The following ACSS3 variants were observed in gnomAD, a reference collection of about 807,000 sequenced individuals.
ACSS3 encodes the protein acyl-CoA synthetase short-chain family member 3, mitochondrial.
Under a neutral mutation model 84.2 loss-of-function variants are expected in ACSS3, and 64 were observed. The ratio of observed to expected loss-of-function variants is 0.76; its 90% CI spans 0.62 to 0.94. ACSS3 has a LOEUF of 0.94. Among genes scored for constraint, ACSS3 ranks in the 40% least tolerant of loss-of-function variants. The pLI is 0.00. For synonymous variants in ACSS3, 317 were observed against 310.1 expected, an observed-to-expected ratio of 1.02 and a Z score of -0.23; for missense variants, 815 against 867.6, an observed-to-expected ratio of 0.94 and a Z score of 0.76.
chr12:81,247,329 CT>C (rs567297433), intron 13 of ACSS3, among the ~76,000 whole-genome samples: 4 of 152,054 alleles, frequency 2.6e-5, no homozygotes, highest in Non-Finnish European at 5.9e-5. Context: ...AAACCTTAGT[CT>C]TTTTTTGTTT....
rs545727546 is a variant in ACSS3 at position 81,137,191 on chromosome 12, G to GA, written c.646-1934dup. ...TTAATGCCTATGAAGAAAATCTAGG[G>GA]AAAAAATATCAGTCACTGACCTGCA... On this transcript the variant is annotated intron_variant, in intron 3 of 15. Coordinates refer to ENST00000548058, the MANE Select transcript of ACSS3 (RefSeq NM_024560.4). Among the ~76,000 whole-genome samples, 576 of 150,586 alleles carry GA rather than the reference G, an allele frequency of 3.8e-3. 7 individuals carry two copies. Among genetic ancestry groups the GA allele is most frequent in the African/African-American group, 0.014 (561 of 41,094 alleles).
chr12:81,152,341 T>A (rs902674346), intron 7 of ACSS3, among the ~76,000 whole-genome samples: 1 of 92,936 alleles, frequency 1.1e-5, no homozygotes. Flanking sequence ...GCTTTATATC[T>A]ATCCCTAACA....
At chr12:81,168,760 CA>C (rs1887519499) in intron 7 of ACSS3, among the ~76,000 whole-genome samples, 1 of 152,164 alleles carries the variant, frequency 6.6e-6, no homozygotes, top group Non-Finnish European at 1.5e-5. Flanking sequence ...TGGTCATAAT[CA>C]GATTTCAGTT....
Position 81,248,175 on chromosome 12 carries a change from A to G in ACSS3, c.1720-5132A>G, listed in dbSNP as rs569880768. On this transcript the variant is annotated intron_variant, in intron 13 of 15. Coordinates refer to ENST00000548058, the MANE Select transcript of ACSS3 (RefSeq NM_024560.4). ...TTTTCGAAAAACTAAAAGTAGAACT[A>G]CCATAAGGTCTTGCAATCCCACTAC... Among the ~76,000 whole-genome samples, 21 of 152,162 alleles carry G rather than the reference A, an allele frequency of 1.4e-4. No homozygotes were observed. The South Asian group carries it at 4.3e-3, about 32-fold the overall frequency.
At chr12:81,101,957 T>C (rs1013204446) in intron 1 of ACSS3, among the ~76,000 whole-genome samples, 3 of 152,016 alleles carry the variant, frequency 2.0e-5, no homozygotes, top group Admixed American at 2.0e-4. Flanking sequence ...ACTTTAAATA[T>C]TGCAAATATG....
rs961618784 is a variant in ACSS3 at position 81,257,880 on chromosome 12, G to A, written c.*2958G>A. On this transcript the variant is annotated 3_prime_UTR_variant, in exon 16 of 16. Transcript: ENST00000548058. ...ACCTGGATCTTTTGCATCACTATAT[G>A]TTAGTGTCTATTATAGATGATTAAT... 38 of 152,014 alleles carry A rather than the reference G, an allele frequency of 2.5e-4. No individual in the cohort carries two copies. Among genetic ancestry groups the A allele is most frequent in the Non-Finnish European group, 7.4e-5 (5 of 67,976 alleles). The allele number at this position is 152,014 out of a possible 1,614,324, so 9.4% of individuals were successfully genotyped here.
At chr12:81,160,977 A>G (rs937937938) in intron 7 of ACSS3, among the ~76,000 whole-genome samples, 1 of 152,236 alleles carries the variant, frequency 6.6e-6, no homozygotes, top group East Asian at 1.9e-4. Flanking sequence ...ATTTAGAATA[A>G]TTCCCACGAT....
intron 2 of ACSS3, chr12:81,124,481 T>C (rs1265205875): frequency 6.6e-6 from 1 of 152,234 alleles, no homozygotes; most frequent in African/African-American, 2.4e-5. Context: ...CAATTTCTTA[T>C]TGTCTTCATT....
At chr12:81,116,844 T>G (rs571342143) in intron 2 of ACSS3, among the ~76,000 whole-genome samples, 47 of 152,286 alleles carry the variant, frequency 3.1e-4, no homozygotes, top group Non-Finnish European at 4.0e-4. Flanking sequence ...AAAGTATCAC[T>G]TGCCATCACA....
chr12:81,139,226 C>T lies in ACSS3; in HGVS notation c.741C>T (p.His247=), dbSNP rs776944932. The T allele has an allele frequency of 6.2e-7, 1 of 1,613,968 alleles. No individual in the cohort carries two copies. Among genetic ancestry groups the T allele is most frequent in the East Asian group, 2.2e-5 (1 of 44,832 alleles). ...LVEEALKIGQ[H]KPDKILIYNR... ...AAGAAGCGCTAAAAATAGGACAACA[C>T]AAACCAGACAAAATTCTCATTTATA... is the stretch of plus-strand genomic sequence containing the variant. Residue 247 remains histidine, a synonymous_variant, in exon 4 of 16, where the codon CAC becomes CAT. Transcript: ENST00000548058.
chr12:81,199,605 T>C, intron 9 of ACSS3, 161 bp downstream of exon 9: 1 of 1,490,368 alleles, frequency 6.7e-7, no homozygotes, highest in South Asian at 1.2e-5. Context: ...TATTGTTGTG[T>C]TATTAATAAT....
At chr12:81,177,267 A>G (rs1299915954) in intron 8 of ACSS3, among the ~76,000 whole-genome samples, 1 of 152,184 alleles carries the variant, frequency 6.6e-6, no homozygotes, top group Non-Finnish European at 1.5e-5. Context: ...AAGGATGTGC[A>G]CTGTCACCAC....
intron 8 of ACSS3, 46 bp downstream of exon 8, chr12:81,174,985 A>G (rs2030367207): frequency 8.2e-6 from 13 of 1,588,988 alleles, no homozygotes; most frequent in Non-Finnish European, 1.1e-5. Flanking sequence ...AAGTGCAATC[A>G]AAATGAATAA....
At chr12:81,210,537 T>C (rs1275695177) in intron 9 of ACSS3, among the ~76,000 whole-genome samples, 1 of 152,236 alleles carries the variant, frequency 6.6e-6, no homozygotes, top group Non-Finnish European at 1.5e-5. Flanking sequence ...AAGAAGGCTA[T>C]GAACCTGGCA....
chr12:81,093,927 A>G (rs955689974), intron 1 of ACSS3, among the ~76,000 whole-genome samples: 5 of 152,118 alleles, frequency 3.3e-5, no homozygotes, highest in Non-Finnish European at 7.4e-5. Context: ...TGTACTATCC[A>G]TCCATATTAT....
At position 81,097,289 on chromosome 12, in the gene ACSS3, C is replaced by G. The variant is rs369794268; in HGVS notation, c.312-12271C>G. Among the ~76,000 whole-genome samples the G allele has an allele frequency of 1.1e-3, 174 of 152,274 alleles. 1 individual carries two copies. Among genetic ancestry groups the G allele is most frequent in the African/African-American group, 4.0e-3 (166 of 41,566 alleles). ...CCAGACCAGTTCCATTGCAATCTCT[C>G]AGTTCTGCTGTTGTAGAGCAAGAAC... On this transcript the variant is annotated intron_variant, in intron 1 of 15. Transcript: ENST00000548058.
chr12:81,134,264 C>G (rs184282207), intron 2 of ACSS3, among the ~76,000 whole-genome samples: 3 of 152,080 alleles, frequency 2.0e-5, no homozygotes, highest in Non-Finnish European at 4.4e-5. Context: ...TAGCTCTGAA[C>G]CTTATTACCT....
rs549364802 is a variant in ACSS3 at position 81,081,079 on chromosome 12, G to T, written c.311+2648G>T. The stretch of plus-strand genomic sequence containing the variant: ...CCTTCGGCTTCCCAGAGGCAAGAGC[G>T]ATTCTTCATTATAAGCTTGTCTGTT... On this transcript the variant is annotated intron_variant, in intron 1 of 15. Transcript: ENST00000548058. Among the ~76,000 whole-genome samples, 187 of 152,288 alleles carry T rather than the reference G, an allele frequency of 1.2e-3. 2 individuals are homozygous for T. Among genetic ancestry groups the T allele is most frequent in the Non-Finnish European group, 2.0e-3 (136 of 68,024 alleles).
chr12:81,136,102 G>A (rs921480148), intron 3 of ACSS3, among the ~76,000 whole-genome samples: 4 of 152,086 alleles, frequency 2.6e-5, no homozygotes, highest in Non-Finnish European at 4.4e-5. Flanking sequence ...ATACTTCCAG[G>A]AAGTATATAT....
Sources: allele counts gnomAD v4.1 joint callset (sites outside exome capture counted in the v4.1 genomes callset), GRCh38; gene constraint gnomAD v4.1.1; transcripts MANE v1.5; gene names NCBI Gene and HGNC (gene_info 2026-07-23, HGNC 2026-07-21).